SH3RF2: variants seen among roughly 807,000 people sequenced by gnomAD.
The protein encoded by SH3RF2 is SH3 domain containing ring finger 2, also known as E3 ubiquitin-protein ligase SH3RF2.
Under a neutral mutation model 59.0 loss-of-function variants are expected in SH3RF2, and 43 were observed. That is an observed-to-expected ratio of 0.73 (90% confidence interval 0.57 to 0.94). The LOEUF is 0.94. Among genes scored for constraint, SH3RF2 ranks in the 40% least tolerant of loss-of-function variants. The pLI, the probability that SH3RF2 is intolerant of heterozygous loss-of-function variation, is 0.00. For synonymous variants in SH3RF2, 391 were observed against 391.5 expected (o/e 1.00, Z 0.01); for missense variants, 930 against 940.1 (o/e 0.99, Z 0.14).
At chr5:145,962,523 C>T (rs1005649422) in intron 2 of SH3RF2, among the ~76,000 whole-genome samples, 4 of 152,176 alleles carry the variant, frequency 2.6e-5, no homozygotes, top group African/African-American at 7.2e-5. Context: ...TAGTGTTGGG[C>T]TCAAATGCTG....
intron 2 of SH3RF2, among the ~76,000 whole-genome samples, chr5:145,991,671 A>G (rs1331617977): frequency 6.6e-6 from 1 of 152,230 alleles, no homozygotes; most frequent in Non-Finnish European, 1.5e-5. Context: ...AGAAAAGATG[A>G]AAATAGGCAA....
intron 2 of SH3RF2, among the ~76,000 whole-genome samples, chr5:145,951,501 T>C (rs538784578): frequency 6.6e-6 from 1 of 152,302 alleles, no homozygotes; most frequent in East Asian, 1.9e-4. Context: ...TTCTAAAATC[T>C]CGCATCTGCA....
chr5:146,024,304 G>C (rs1268634973), intron 5 of SH3RF2, among the ~76,000 whole-genome samples: 1 of 152,110 alleles, frequency 6.6e-6, no homozygotes, highest in Admixed American at 6.6e-5. Context: ...TCCTATTGTG[G>C]TTTTGATTTG....
intron 5 of SH3RF2, among the ~76,000 whole-genome samples, chr5:146,041,054 C>T (rs1025931928): frequency 2.6e-5 from 4 of 152,206 alleles, no homozygotes; most frequent in Non-Finnish European, 5.9e-5. Flanking sequence ...ACATGTTAAC[C>T]TTGGGCTCTA....
At chr5:145,974,701 A>G (rs917251137) in intron 2 of SH3RF2, among the ~76,000 whole-genome samples, 11 of 152,222 alleles carry the variant, frequency 7.2e-5, no homozygotes, top group Non-Finnish European at 1.6e-4. Flanking sequence ...CAGTGCAAAA[A>G]GTAAAACTAG....
chr5:146,066,373 T>C (rs1221620801), downstream of SH3RF2, among the ~76,000 whole-genome samples: 3 of 152,184 alleles, frequency 2.0e-5, no homozygotes, highest in African/African-American at 7.2e-5. Context: ...TTTTCTTACA[T>C]AGGAATAATA....
chr5:146,048,290 G>T (rs1762376601), intron 6 of SH3RF2, among the ~76,000 whole-genome samples: 1 of 151,454 alleles, frequency 6.6e-6, no homozygotes, highest in African/African-American at 2.4e-5. Context: ...TCTCCAGCCT[G>T]GGCCACAGAG....
chr5:145,997,411 C>T, intron 2 of SH3RF2: 1 of 1,311,494 alleles, frequency 7.6e-7, no homozygotes, highest in Non-Finnish European at 1.1e-6. Flanking sequence ...TCCATCTACA[C>T]TGCAACTGGT....
At chr5:145,958,673 G>T (rs1331965028) in intron 2 of SH3RF2, among the ~76,000 whole-genome samples, 1 of 152,128 alleles carries the variant, frequency 6.6e-6, no homozygotes, top group Non-Finnish European at 1.5e-5. Context: ...ACTTTCCAAG[G>T]TCACCCAGTT....
At position 146,004,070 on chromosome 5, in the gene SH3RF2, A is replaced by G; in HGVS notation, c.661A>G (p.Thr221Ala). The G allele has an allele frequency of 4.3e-6, 7 of 1,612,770 alleles. No homozygotes were observed. Among genetic ancestry groups the G allele is most frequent in the Non-Finnish European group, 5.9e-6 (7 of 1,178,992 alleles). The stretch of plus-strand genomic sequence containing the variant: ...CTTTCTCTTTCAGGACGATATCATC[A>G]CTGTGATCAGCCGAGTGGATGAGAA... The part of the protein sequence containing the change: ...CLTFLKDDII[T>A]VISRVDENWA... Residue 221 changes from threonine to alanine, a missense_variant, in exon 4 of 10, where the codon ACT becomes GCT. Coordinates refer to ENST00000359120, the MANE Select transcript of SH3RF2 (RefSeq NM_152550.4).
At chr5:145,937,419 G>A (rs1757630348) in intron 1 of SH3RF2, among the ~76,000 whole-genome samples, 1 of 152,136 alleles carries the variant, frequency 6.6e-6, no homozygotes, top group Admixed American at 6.5e-5. Flanking sequence ...GGGGAAGGAG[G>A]AGGAGGAGAT....
intron 5 of SH3RF2, among the ~76,000 whole-genome samples, chr5:146,022,331 C>T (rs1254294895): frequency 6.6e-6 from 1 of 152,146 alleles, no homozygotes; most frequent in Non-Finnish European, 1.5e-5. Context: ...CCTCAGCCTC[C>T]CGAGTAGTTG....
intron 8 of SH3RF2, 151 bp downstream of exon 8, chr5:146,056,364 T>A (rs1762672398): frequency 7.7e-7 from 1 of 1,294,018 alleles, no homozygotes; most frequent in Non-Finnish European, 1.0e-6. Context: ...TGATGAGTTT[T>A]ATTGAATGAA....
rs189156768 is a variant in SH3RF2 at position 146,059,892 on chromosome 5, T to C, written c.1582T>C (p.Ser528Pro). The change falls in exon 9 of 10, where the codon TCC (serine) becomes CCC (proline). Residue 528 changes from serine to proline, a missense_variant. Coordinates refer to ENST00000359120, the MANE Select transcript of SH3RF2 (RefSeq NM_152550.4). ...KNGSLQRPLQSGIPTLVVGSL... is the reference protein window; with the variant it reads ...KNGSLQRPLQPGIPTLVVGSL... Reference sequence around the variant, plus strand: ...TGGATCCCTGCAGAGACCCCTCCAGTCCGGGATCCCCACTCTCGTGGTAGG... The same window carrying C: ...TGGATCCCTGCAGAGACCCCTCCAGCCCGGGATCCCCACTCTCGTGGTAGG... 1.7e-4 allele frequency: 260 copies of C among 1,498,090 alleles called. 1 individual carries two copies. The East Asian group carries it at 3.5e-3, about 20-fold the overall frequency. 92.8% of individuals were successfully genotyped at this position (1,498,090 alleles called of 1,614,324 possible).
chr5:146,056,338 T>A (rs568689627), intron 8 of SH3RF2, 125 bp downstream of exon 8: 3 of 1,417,668 alleles, frequency 2.1e-6, no homozygotes, highest in South Asian at 2.7e-5. Flanking sequence ...GCAAAGGGTA[T>A]TATACAATTC....
intron 9 of SH3RF2, among the ~76,000 whole-genome samples, chr5:146,075,777 GTAAAAAAAAAAAAAAAA>G (rs1441106931): frequency 1.8e-5 from 1 of 55,374 alleles, no homozygotes; most frequent in Non-Finnish European, 3.2e-5. Context: ...GAAATTCCAT[GTAAAAAAAAAAAAAAAA>G]AAAAAAAAAA....
chr5:146,038,139 T>A (rs769075204), intron 5 of SH3RF2, among the ~76,000 whole-genome samples: 51 of 152,224 alleles, frequency 3.4e-4, no homozygotes, highest in Non-Finnish European at 6.0e-4. Flanking sequence ...ATTCATTATA[T>A]ATTAAAAAGT....
intron 4 of SH3RF2, among the ~76,000 whole-genome samples, chr5:146,007,603 G>A (rs935653126): frequency 2.0e-5 from 3 of 152,162 alleles, no homozygotes; most frequent in Admixed American, 6.5e-5. Context: ...AGTCTGGGCT[G>A]GGGGGGAAGG....
At chr5:145,939,247 C>T (rs1757718315) in intron 2 of SH3RF2, among the ~76,000 whole-genome samples, 1 of 152,208 alleles carries the variant, frequency 6.6e-6, no homozygotes, top group Non-Finnish European at 1.5e-5. Context: ...TGGCTTGGGC[C>T]ATTGGCATAC....
Sources: gnomAD v4.1 joint callset for allele counts (sites outside exome capture counted in the v4.1 genomes callset) on GRCh38, gnomAD v4.1.1 for gene constraint, MANE v1.5 for transcripts, NCBI Gene and HGNC (gene_info 2026-07-23, HGNC 2026-07-21) for gene names.